TRIM58: variants seen among roughly 807,000 people sequenced by gnomAD.
TRIM58 encodes the protein tripartite motif containing 58.
A neutral mutation model predicts 34.1 loss-of-function variants in TRIM58; 38 were observed. That is an observed-to-expected ratio of 1.12 (90% CI 0.86 to 1.46). TRIM58 has a LOEUF of 1.46. TRIM58 is among the 40% of genes most tolerant of loss of function. The pLI, the probability that TRIM58 is intolerant of heterozygous loss-of-function variation, is 0.00. For synonymous variants in TRIM58, 273 were observed against 275.7 expected (o/e 0.99, Z 0.10); for missense variants, 677 against 642.0 (o/e 1.05, Z -0.59).
intron 5 of TRIM58, among the ~76,000 whole-genome samples, chr1:247,869,620 A>G (rs1664013286): frequency 6.6e-6 from 1 of 152,258 alleles, no homozygotes; most frequent in African/African-American, 2.4e-5. Flanking sequence ...TACGTACTTC[A>G]CAGTATCATA....
At chr1:247,875,538 T>G (rs553221257) in intron 5 of TRIM58, among the ~76,000 whole-genome samples, 4 of 151,370 alleles carry the variant, frequency 2.6e-5, no homozygotes, top group Non-Finnish European at 4.4e-5. Context: ...ACCCCGTCTC[T>G]CTGTCTCTCT....
At chr1:247,858,326 A>G (rs12145891) in intron 1 of TRIM58, among the ~76,000 whole-genome samples, 12,502 of 152,168 alleles carry the variant, frequency 0.082, 589 homozygotes, top group East Asian at 0.2. Context: ...GAAGAAAAAC[A>G]AAATGGGAGT....
chr1:247,865,210 G>T (rs982577514), intron 3 of TRIM58, among the ~76,000 whole-genome samples: 5 of 152,092 alleles, frequency 3.3e-5, no homozygotes, highest in South Asian at 2.1e-4. Flanking sequence ...CAGGAGGATC[G>T]CTTGGGCCAA....
chr1:247,858,880 C>A (rs1024309064), intron 1 of TRIM58, among the ~76,000 whole-genome samples: 9 of 149,070 alleles, frequency 6.0e-5, no homozygotes, highest in Non-Finnish European at 8.9e-5. Flanking sequence ...AATTCTCCTG[C>A]CTCAGCCTCC....
Position 247,876,543 on chromosome 1 carries a change from G to A in TRIM58, c.*54G>A. On this transcript the variant is annotated 3_prime_UTR_variant, in exon 6 of 6. Transcript: ENST00000366481. ...GTAGCGAACGTTCCTGGAGTGGGGT[G>A]AAGGATATCAATATACTAAGTTTTA... The A allele has an allele frequency of 7.1e-7, 1 of 1,399,076 alleles. No individual in the cohort carries two copies. The highest frequency in any genetic ancestry group is 9.8e-7 in the Non-Finnish European group (1 of 1,019,412). The allele number at this position is 1,399,076 out of a possible 1,614,324, so 86.7% of individuals were successfully genotyped here.
chr1:247,857,387 G>C lies in TRIM58; in HGVS notation c.141G>C (p.Ser47=). 6.6e-7 allele frequency: 1 copy of C among 1,525,406 alleles called. No homozygotes were observed. Among genetic ancestry groups the C allele is most frequent in the Non-Finnish European group, 8.8e-7 (1 of 1,135,294 alleles). 94.5% of individuals were successfully genotyped at this position (1,525,406 alleles called of 1,614,324 possible). The change falls in exon 1 of 6, where the codon TCG becomes TCC. Residue 47 remains serine, a synonymous_variant. Coordinates refer to ENST00000366481, the MANE Select transcript of TRIM58 (RefSeq NM_015431.4). The part of the protein sequence containing the change: ...LRCISEFCEK[S]DGAQGGVYAC... Reference sequence around the variant, plus strand: ...GCATCTCCGAGTTCTGCGAGAAGTCGGACGGCGCGCAGGGCGGCGTCTACG... The same window carrying C: ...GCATCTCCGAGTTCTGCGAGAAGTCCGACGGCGCGCAGGGCGGCGTCTACG...
rs984936460 is a variant in TRIM58, at chr1:247,857,348, C to T, written c.102C>T (p.Ser34=). The T allele has an allele frequency of 6.6e-7, 1 of 1,513,936 alleles. No individual in the cohort carries two copies. Among genetic ancestry groups the T allele is most frequent in the East Asian group, 2.7e-5 (1 of 36,840 alleles). 93.8% of individuals were successfully genotyped at this position (1,513,936 alleles called of 1,614,324 possible). The part of the protein sequence containing the change: ...QEPVSVDCGH[S]FCLRCISEFC... Reference sequence around the variant, plus strand: ...CGGTCAGCGTGGACTGCGGCCACAGCTTCTGCCTCAGGTGCATCTCCGAGT... The same window carrying T: ...CGGTCAGCGTGGACTGCGGCCACAGTTTCTGCCTCAGGTGCATCTCCGAGT... Residue 34 remains serine (S), a synonymous_variant, in exon 1 of 6, where the codon AGC becomes AGT. Transcript: ENST00000366481.
At chr1:247,864,206 G>A (rs548618164) in intron 2 of TRIM58, among the ~76,000 whole-genome samples, 49 of 152,156 alleles carry the variant, frequency 3.2e-4, no homozygotes, top group African/African-American at 1.1e-3. Context: ...GTGCAGTGGT[G>A]CAATCACAGC....
intron 1 of TRIM58, 51 bp downstream of exon 1, chr1:247,857,717 G>A: frequency 5.0e-6 from 6 of 1,209,584 alleles, no homozygotes; most frequent in South Asian, 3.9e-5. Flanking sequence ...CCGGGAAGCG[G>A]GCGACAGTCC....
intron 3 of TRIM58, 148 bp from the exon 4 acceptor site, chr1:247,867,697 A>G: frequency 2.0e-6 from 2 of 988,754 alleles, no homozygotes; most frequent in Non-Finnish European, 3.0e-6. Flanking sequence ...TCTCAAAAAA[A>G]AAATAGAAAA....
chr1:247,864,067 C>T (rs1265494323), intron 2 of TRIM58, among the ~76,000 whole-genome samples: 1 of 152,134 alleles, frequency 6.6e-6, no homozygotes, highest in African/African-American at 2.4e-5. Flanking sequence ...ATAGTAACTT[C>T]TGCTGTGTGA....
chr1:247,869,158 C>T (rs1358814600), intron 5 of TRIM58, among the ~76,000 whole-genome samples: 3 of 152,208 alleles, frequency 2.0e-5, no homozygotes, highest in Non-Finnish European at 4.4e-5. Context: ...CCTCGGCCTC[C>T]TAAAGTGCTG....
At chr1:247,861,778 T>A (rs1056475046) in intron 2 of TRIM58, among the ~76,000 whole-genome samples, 2 of 152,116 alleles carry the variant, frequency 1.3e-5, no homozygotes, top group Non-Finnish European at 2.9e-5. Context: ...ATTACTAGAT[T>A]ACAATATAGA....
At chr1:247,871,983 A>G (rs1461884332) in intron 5 of TRIM58, among the ~76,000 whole-genome samples, 2 of 152,220 alleles carry the variant, frequency 1.3e-5, no homozygotes, top group Admixed American at 6.5e-5. Flanking sequence ...GCATTCAGGC[A>G]GCAGAAATGA....
In TRIM58 at chr1:247,864,764, T is replaced by C. The variant is rs1345959902; in HGVS notation, c.576T>C (p.Phe192=). Reference sequence around the variant, plus strand: ...TGGAGTTTGAGAAGCATCGTGGCTTTCTGGCCCAGGAGGAGCAACGGCAGC... The same window carrying C: ...TGGAGTTTGAGAAGCATCGTGGCTTCCTGGCCCAGGAGGAGCAACGGCAGC... ...FRLEFEKHRG[F]LAQEEQRQLR... Residue 192 remains phenylalanine, a synonymous_variant, in exon 3 of 6, where the codon TTT becomes TTC. Coordinates refer to ENST00000366481, the MANE Select transcript of TRIM58 (RefSeq NM_015431.4). The C allele has an allele frequency of 6.2e-6, 10 of 1,614,160 alleles. No individual in the cohort carries two copies. The highest frequency in any genetic ancestry group is 1.7e-4 in the Middle Eastern group (1 of 6,052).
rs752395095 is a variant in TRIM58 at position 247,876,324 on chromosome 1, T to G, written c.1296T>G (p.Tyr432Ter). 2 of 1,613,970 alleles carry G rather than the reference T, an allele frequency of 1.2e-6. No homozygotes were observed. The change falls in exon 6 of 6, where the codon TAT becomes TAG. Residue 432 changes from tyrosine (Y) to a stop codon, truncating the protein, a stop_gained. Transcript: ENST00000366481. LOFTEE classifies it low-confidence loss of function (END_TRUNC). ...ISFYNVTDGSYIYTFNQLFSG... is the reference protein window; with the variant it reads ...ISFYNVTDGS ...TCTACAATGTCACAGATGGATCTTA[T>G]ATCTACACATTCAACCAACTCTTCT... is the stretch of plus-strand genomic sequence containing the variant.
chr1:247,857,283 G>C lies in TRIM58; in HGVS notation c.37G>C (p.Asp13His), dbSNP rs747561052. The change falls in exon 1 of 6, where the codon GAT becomes CAT. Residue 13 changes from aspartate to histidine, a missense_variant. Asp to His is a moderately conservative substitution (Grantham distance 81). Transcript: ENST00000366481. ...WAPPGERLRE[D>H]ARCPVCLDFL... Reference sequence around the variant, plus strand: ...GCCGCCCGGGGAGCGGCTGCGCGAGGATGCGCGGTGCCCGGTGTGCCTGGA... The same window carrying C: ...GCCGCCCGGGGAGCGGCTGCGCGAGCATGCGCGGTGCCCGGTGTGCCTGGA... 2.0e-5 allele frequency: 28 copies of C among 1,377,574 alleles called. No individual in the cohort carries two copies. In the South Asian group the frequency reaches 4.8e-4, roughly 24 times the overall value. The allele number at this position is 1,377,574 out of a possible 1,614,324, so 85.3% of individuals were successfully genotyped here.
At chr1:247,859,255 T>C (rs1231888776) in intron 1 of TRIM58, among the ~76,000 whole-genome samples, 1 of 152,172 alleles carries the variant, frequency 6.6e-6, no homozygotes, top group Admixed American at 6.5e-5. Flanking sequence ...CTGTGCTACA[T>C]CTCCTTGCTT....
rs1659274555 is a variant in TRIM58 at position 247,875,942 on chromosome 1, T to C, written c.914T>C (p.Leu305Pro). 2 of 1,614,110 alleles carry C rather than the reference T, an allele frequency of 1.2e-6. No individual in the cohort carries two copies. The highest frequency in any genetic ancestry group is 3.3e-5 in the Admixed American group (2 of 60,010). ...LDPATAHPSL[L>P]LTADLRSVQD... ...CCCGCCACGGCGCACCCGAGTCTGC[T>C]CTTGACCGCCGACCTGCGCAGTGTG... The change falls in exon 6 of 6, where the codon CTC becomes CCC. Residue 305 changes from leucine to proline, a missense_variant. Transcript: ENST00000366481.
Sources: allele counts gnomAD v4.1 joint callset (sites outside exome capture counted in the v4.1 genomes callset), GRCh38; gene constraint gnomAD v4.1.1; transcripts MANE v1.5; gene names NCBI Gene and HGNC (gene_info 2026-07-23, HGNC 2026-07-21).